ETV1: variants seen among roughly 807,000 people sequenced by gnomAD.
ETV1 encodes the protein ETS translocation variant 1.
Under a neutral mutation model 62.3 loss-of-function variants are expected in ETV1, and 27 were observed. That is an observed-to-expected ratio of 0.43 (90% CI 0.32 to 0.60). The LOEUF (loss-of-function observed/expected upper bound fraction) is 0.60, where lower values mean the gene tolerates loss of function less well. Ranked by LOEUF, ETV1 falls within the 20% of genes least tolerant of loss-of-function variation. The probability of loss-of-function intolerance (pLI) is 0.06; values close to 1 mark genes in which losing one functional copy is unlikely to be tolerated. For missense variants in ETV1, 605 were observed against 605.8 expected (o/e 1.00, Z 0.01); for synonymous variants, 222 against 199.6 (o/e 1.11, Z -0.94).
rs773975532 is a variant in ETV1, at chr7:13,988,087, T to C, written c.132A>G (p.Glu44=). 2 of 1,604,734 alleles carry C rather than the reference T, an allele frequency of 1.2e-6. No individual in the cohort carries two copies. Among genetic ancestry groups the C allele is most frequent in the South Asian group, 2.2e-5 (2 of 90,880 alleles). Residue 44 remains glutamate (E), a splice_region_variant and synonymous_variant, in exon 4 of 14, where the codon GAA becomes GAG. Coordinates refer to ENST00000430479, the MANE Select transcript of ETV1 (RefSeq NM_004956.5). The part of the protein sequence containing the change: ...FINRDLAHDS[E]ELFQDLSQLQ... ...ATTCAGCCCAAAATCAAACCTCACC[T>C]TCTGAATCATGAGCCAGATCTCTGT...
intron 6 of ETV1, among the ~76,000 whole-genome samples, chr7:13,963,292 G>A (rs988833628): frequency 1.5e-4 from 23 of 151,716 alleles, no homozygotes; most frequent in East Asian, 7.7e-4. Context: ...CTTATTTTTC[G>A]TTATGAAAAA....
chr7:13,900,653 T>A, intron 13 of ETV1, 85 bp downstream of exon 13: 1 of 946,746 alleles, frequency 1.1e-6, no homozygotes, highest in South Asian at 1.7e-5. Context: ...GCTTCAGCAA[T>A]GCAATGATAT....
chr7:13,950,769 T>C (rs1185052708), intron 6 of ETV1, among the ~76,000 whole-genome samples: 1 of 152,122 alleles, frequency 6.6e-6, no homozygotes, highest in African/African-American at 2.4e-5. Flanking sequence ...CCAGCCCTGA[T>C]GATCTAACTC....
At chr7:13,916,657 A>ATGCAT (rs1372853826) in intron 9 of ETV1, among the ~76,000 whole-genome samples, 5 of 150,324 alleles carry the variant, frequency 3.3e-5, no homozygotes, top group Non-Finnish European at 5.9e-5. Flanking sequence ...GGCTGTGCAC[A>ATGCAT]GTAGCTCATG....
intron 6 of ETV1, among the ~76,000 whole-genome samples, chr7:13,953,071 A>T (rs1415690731): frequency 6.6e-6 from 1 of 152,182 alleles, no homozygotes; most frequent in Non-Finnish European, 1.5e-5. Context: ...TTCAAATCAG[A>T]TCGTCCTACC....
intron 6 of ETV1, among the ~76,000 whole-genome samples, chr7:13,948,178 T>C (rs1788389392): frequency 6.6e-6 from 1 of 152,212 alleles, no homozygotes. Context: ...AAGCTTCCCT[T>C]ATACTCTGAT....
At chr7:13,932,806 T>C (rs1786346633) in intron 8 of ETV1, among the ~76,000 whole-genome samples, 1 of 152,174 alleles carries the variant, frequency 6.6e-6, no homozygotes, top group South Asian at 2.1e-4. Context: ...ACTAAAAGCA[T>C]TCCTGAGACT....
At chr7:13,925,553 C>T (rs970827044) in intron 9 of ETV1, among the ~76,000 whole-genome samples, 6 of 150,338 alleles carry the variant, frequency 4.0e-5, no homozygotes, top group African/African-American at 1.5e-4. Flanking sequence ...TCTTCTTCAA[C>T]TATACATTAA....
intron 5 of ETV1, among the ~76,000 whole-genome samples, chr7:13,978,869 C>T (rs7806587): frequency 0.76 from 115,570 of 151,892 alleles, 44,253 homozygotes; most frequent in African/African-American, 0.84. Flanking sequence ...GTTATAAAAA[C>T]GTATGCAGTT....
intron 9 of ETV1, among the ~76,000 whole-genome samples, chr7:13,913,646 T>C (rs1318239675): frequency 6.6e-6 from 1 of 152,134 alleles, no homozygotes; most frequent in East Asian, 1.9e-4. Context: ...ACCACAGTAC[T>C]TAAAACTAAA....
At chr7:13,986,073 A>G in intron 5 of ETV1, 1 of 1,435,722 alleles carries the variant, frequency 7.0e-7, no homozygotes, top group Non-Finnish European at 9.6e-7. Context: ...CATATCTCCC[A>G]TTTATTTTAA....
chr7:13,951,949 G>T (rs560047625), intron 6 of ETV1, among the ~76,000 whole-genome samples: 4 of 152,134 alleles, frequency 2.6e-5, no homozygotes, highest in African/African-American at 7.2e-5. Flanking sequence ...ACACTGACTC[G>T]TAGAAACAGA....
intron 6 of ETV1, among the ~76,000 whole-genome samples, chr7:13,955,195 A>G (rs1789276115): frequency 6.6e-6 from 1 of 152,152 alleles, no homozygotes; most frequent in Non-Finnish European, 1.5e-5. Context: ...ATCCCTTCTG[A>G]TATTTAATTC....
Position 13,911,279 on chromosome 7 carries a change from C to G in ETV1, c.831G>C (p.Met277Ile). The G allele has an allele frequency of 6.2e-7, 1 of 1,612,894 alleles. No individual in the cohort carries two copies. The highest frequency in any genetic ancestry group is 2.2e-5 in the East Asian group (1 of 44,854). The change falls in exon 10 of 14, where the codon ATG becomes ATC. Residue 277 changes from methionine to isoleucine, a missense_variant. By Grantham distance (10) the Met-to-Ile change is conservative (BLOSUM62 1). Coordinates refer to ENST00000430479, the MANE Select transcript of ETV1 (RefSeq NM_004956.5). ...GATGAGCCAGGAAGCCTTCTTGCCT[C>G]ATATAAATGGAGTGGCAGCTAGGCA... ...SEVPSCHSIYMRQEGFLAHPS... is the reference protein window; with the variant it reads ...SEVPSCHSIYIRQEGFLAHPS...
Position 13,989,392 on chromosome 7 carries a change from G to A in ETV1, c.-212C>T, listed in dbSNP as rs1225304283. 2 of 457,858 alleles carry A rather than the reference G, an allele frequency of 4.4e-6. No individual in the cohort carries two copies. Among genetic ancestry groups the A allele is most frequent in the African/African-American group, 2.0e-5 (1 of 49,560 alleles). 28.4% of individuals were successfully genotyped at this position (457,858 alleles called of 1,614,324 possible). On this transcript the variant is annotated 5_prime_UTR_variant, in exon 2 of 14. Coordinates refer to ENST00000430479, the MANE Select transcript of ETV1 (RefSeq NM_004956.5). ...TTCCCTGCGCGGTCGGTGTACCCCG[G>A]GCAGCTCTGATTCGCAAACGTGTGC...
chr7:13,943,431 G>C (rs970182079), intron 6 of ETV1, among the ~76,000 whole-genome samples: 6 of 152,184 alleles, frequency 3.9e-5, no homozygotes, highest in Admixed American at 1.3e-4. Context: ...GTATGGATTA[G>C]TATAATAAGC....
intron 6 of ETV1, among the ~76,000 whole-genome samples, chr7:13,950,923 C>T (rs907251891): frequency 1.3e-5 from 2 of 150,494 alleles, no homozygotes; most frequent in Non-Finnish European, 3.0e-5. Flanking sequence ...CACACACACA[C>T]ACACACACAC....
At chr7:13,915,817 T>C (rs988235495) in intron 9 of ETV1, among the ~76,000 whole-genome samples, 5 of 152,146 alleles carry the variant, frequency 3.3e-5, no homozygotes, top group African/African-American at 1.2e-4. Context: ...CTAAAAGTAA[T>C]TATCTTCCAA....
chr7:13,991,193 C>G (rs112466353), upstream of ETV1: 1 of 152,210 alleles, frequency 6.6e-6, no homozygotes, highest in Non-Finnish European at 1.5e-5. Flanking sequence ...GCCTGGGCCC[C>G]GAGGCTGAAC....
Sources: allele counts gnomAD v4.1 joint callset (sites outside exome capture counted in the v4.1 genomes callset), GRCh38; gene constraint gnomAD v4.1.1; transcripts MANE v1.5; gene names NCBI Gene and HGNC (gene_info 2026-07-23, HGNC 2026-07-21).